The following XXYLT1 variants were observed in gnomAD, a reference collection of about 807,000 sequenced individuals.
XXYLT1 encodes the protein UDP-xylose:alpha-xyloside alpha-1,3-xylosyltransferase.
XXYLT1 carries 20 observed loss-of-function variants against 28.9 expected under a neutral mutation model. The observed-to-expected ratio is 0.69, with a 90% CI of 0.49 to 1.00. The LOEUF (loss-of-function observed/expected upper bound fraction) is 1.00, where lower values mean the gene tolerates loss of function less well. Ranked by LOEUF, XXYLT1 falls within the 50% of genes least tolerant of loss-of-function variation. The pLI is 0.00. For synonymous variants in XXYLT1, 257 were observed against 253.8 expected, an observed-to-expected ratio of 1.01 and a Z score of -0.12; for missense variants, 542 against 560.1, an observed-to-expected ratio of 0.97 and a Z score of 0.33.
Position 195,197,847 on chromosome 3 carries a change from A to G in XXYLT1, c.652+28862T>C, listed in dbSNP as rs1722690815. On this transcript the variant is annotated intron_variant, in intron 2 of 3. Coordinates refer to ENST00000310380, the MANE Select transcript of XXYLT1 (RefSeq NM_152531.5). Reference sequence around the variant, plus strand: ...AAACACTGTCCACTTAGTCTCACACATTCCCCTCTAGGCCAGCAGCTTATG... The same window carrying G: ...AAACACTGTCCACTTAGTCTCACACGTTCCCCTCTAGGCCAGCAGCTTATG... Among the ~76,000 whole-genome samples, 11 of 152,282 alleles carry G rather than the reference A, an allele frequency of 7.2e-5. No homozygotes were observed. In the South Asian group the frequency reaches 2.3e-3, roughly 32 times the overall value.
chr3:195,219,108 T>C (rs1039563737), intron 2 of XXYLT1, among the ~76,000 whole-genome samples: 1 of 147,822 alleles, frequency 6.8e-6, no homozygotes, highest in Non-Finnish European at 1.5e-5. Context: ...AGGTGGGAAC[T>C]GAACAATGAG....
At position 195,188,629 on chromosome 3, in the gene XXYLT1, C is replaced by A. The variant is rs141804719; in HGVS notation, c.653-32048G>T. On this transcript the variant is annotated intron_variant, in intron 2 of 3. Transcript: ENST00000310380. ...ACACACTGGTGCACTCTCGAATTGTCTCCTATGAGGAGCCAAGAACCCTCT... is the reference window on the plus strand; with the variant it reads ...ACACACTGGTGCACTCTCGAATTGTATCCTATGAGGAGCCAAGAACCCTCT... Among the ~76,000 whole-genome samples the A allele has an allele frequency of 6.8e-3, 1,029 of 152,302 alleles. 6 individuals carry two copies. The highest frequency in any genetic ancestry group is 0.024 in the African/African-American group (977 of 41,548).
chr3:195,239,069 T>C (rs1724672392), intron 1 of XXYLT1, among the ~76,000 whole-genome samples: 1 of 152,208 alleles, frequency 6.6e-6, no homozygotes, highest in African/African-American at 2.4e-5. Flanking sequence ...CTGTACTCAG[T>C]ACATTGTTCC....
At chr3:195,071,372 C>T (rs1714798914) in intron 3 of XXYLT1, among the ~76,000 whole-genome samples, 1 of 152,254 alleles carries the variant, frequency 6.6e-6, no homozygotes, top group African/African-American at 2.4e-5. Flanking sequence ...ACCGGAGACC[C>T]TGCCCAGGGT....
At chr3:195,152,911 AT>A (rs1436381339) in intron 3 of XXYLT1, 2 of 152,162 alleles carry the variant, frequency 1.3e-5, no homozygotes, top group African/African-American at 4.8e-5. Flanking sequence ...AGATGCTAGC[AT>A]GTTCTTCTTA....
chr3:195,201,552 G>A (rs1007035870), intron 2 of XXYLT1, among the ~76,000 whole-genome samples: 5 of 152,094 alleles, frequency 3.3e-5, no homozygotes, highest in South Asian at 2.1e-4. Context: ...TCCCATTTCC[G>A]TCCCTCTGGA....
rs1225181638 is a variant in XXYLT1 at position 195,134,866 on chromosome 3, TGTGC to T, written c.785+21579_785+21582del. On this transcript the variant is annotated intron_variant, in intron 3 of 3. Transcript: ENST00000310380. ...GTGTGTGTGTGTGTGTGTGTGTGTG[TGTGC>T]GTGTGCGCGCGTGCGCGCACGTGCA... 4.1e-3 allele frequency among the ~76,000 whole-genome samples: 388 copies of T among 93,550 alleles called. 3 individuals are homozygous for T. Among genetic ancestry groups the T allele is most frequent in the Middle Eastern group, 0.029 (5 of 174 alleles). The allele number at this position is 93,550 out of a possible 152,430, so 61.4% of individuals were successfully genotyped here.
At position 195,150,836 on chromosome 3, in the gene XXYLT1, A is replaced by C. The variant is rs371930200; in HGVS notation, c.785+5613T>G. Among the ~76,000 whole-genome samples, 198 of 87,876 alleles carry C rather than the reference A, an allele frequency of 2.3e-3. No individual in the cohort carries two copies. Among genetic ancestry groups the C allele is most frequent in the East Asian group, 9.8e-3 (9 of 920 alleles). 57.7% of individuals were successfully genotyped at this position (87,876 alleles called of 152,430 possible). ...CATACACACACACTCACACATACGCACACTCTCTCACACACTCTCACACAC... is the reference window on the plus strand; with the variant it reads ...CATACACACACACTCACACATACGCCCACTCTCTCACACACTCTCACACAC... On this transcript the variant is annotated intron_variant, in intron 3 of 3. Coordinates refer to ENST00000310380, the MANE Select transcript of XXYLT1 (RefSeq NM_152531.5). The surrounding 1 kb of genome is among the most constrained non-coding windows in gnomAD (Gnocchi z 4.7).
At chr3:195,229,283 A>G (rs111303884) in intron 1 of XXYLT1, among the ~76,000 whole-genome samples, 1 of 152,214 alleles carries the variant, frequency 6.6e-6, no homozygotes, top group African/African-American at 2.4e-5. Flanking sequence ...GTATGTATAT[A>G]TATTTATGGA....
intron 3 of XXYLT1, chr3:195,122,296 T>C: frequency 4.7e-6 from 3 of 643,940 alleles, no homozygotes; most frequent in South Asian, 3.5e-5. Flanking sequence ...TTCAGTCCAT[T>C]GCACCCCTCA....
chr3:195,178,148 C>CTT (rs35477529), intron 2 of XXYLT1, among the ~76,000 whole-genome samples: 1 of 148,038 alleles, frequency 6.8e-6, no homozygotes, highest in African/African-American at 2.5e-5. Context: ...CTGCTGACAG[C>CTT]TTTTTTTTTT....
intron 2 of XXYLT1, among the ~76,000 whole-genome samples, chr3:195,207,867 C>A (rs1168522523): frequency 1.3e-5 from 2 of 152,196 alleles, no homozygotes; most frequent in African/African-American, 4.8e-5. Context: ...TCCTCCCTGG[C>A]TGCTGGCCAG....
At chr3:195,163,910 C>T (rs1323906489) in intron 2 of XXYLT1, among the ~76,000 whole-genome samples, 1 of 152,236 alleles carries the variant, frequency 6.6e-6, no homozygotes, top group Non-Finnish European at 1.5e-5. Flanking sequence ...AGAAAAGACA[C>T]CCTGACTTTG....
At chr3:195,109,692 TGGTGTCTG>T in intron 3 of XXYLT1, among the ~76,000 whole-genome samples, 1 of 45,996 alleles carries the variant, frequency 2.2e-5, no homozygotes, top group African/African-American at 8.4e-5. Flanking sequence ...TGAGTGTGTG[TGGTGTCTG>T]GTGTGTGTGG....
Position 195,271,069 on chromosome 3 carries a change from A to C in XXYLT1, c.-11T>G, listed in dbSNP as rs1726012700. On this transcript the variant is annotated 5_prime_UTR_variant, in exon 1 of 4. Transcript: ENST00000310380. Reference sequence around the variant, plus strand: ...TCGGAGGAGGCCCATGCGCTACGAGACCGCGGCGCCAGCGGTGCCAGCAAC... The same window carrying C: ...TCGGAGGAGGCCCATGCGCTACGAGCCCGCGGCGCCAGCGGTGCCAGCAAC... 2 of 1,332,186 alleles carry C rather than the reference A, an allele frequency of 1.5e-6. No homozygotes were observed. Among genetic ancestry groups the C allele is most frequent in the Admixed American group, 8.0e-5 (2 of 24,934 alleles). 82.5% of individuals were successfully genotyped at this position (1,332,186 alleles called of 1,614,324 possible). A position where few individuals can be genotyped will look rare whatever the true frequency, so the allele number is the denominator to read the frequency against.
intron 2 of XXYLT1, chr3:195,175,514 G>A: frequency 4.7e-6 from 7 of 1,478,898 alleles, no homozygotes; most frequent in Non-Finnish European, 6.3e-6. Flanking sequence ...TGTTGACTTT[G>A]CTGCACCCAT....
intron 1 of XXYLT1, among the ~76,000 whole-genome samples, chr3:195,235,994 GGGTGACACC>G (rs1724529399): frequency 6.6e-6 from 1 of 151,972 alleles, no homozygotes; most frequent in African/African-American, 2.4e-5. Flanking sequence ...GATTGGGGAG[GGGTGACACC>G]CCTGTCACTA....
At chr3:195,082,689 C>G (rs1473925242) in intron 3 of XXYLT1, among the ~76,000 whole-genome samples, 1 of 152,106 alleles carries the variant, frequency 6.6e-6, no homozygotes, top group East Asian at 1.9e-4. Context: ...TCCAACTCAA[C>G]TCCACAAAAA....
chr3:195,120,897 T>C (rs1718322121), intron 3 of XXYLT1, among the ~76,000 whole-genome samples: 1 of 152,066 alleles, frequency 6.6e-6, no homozygotes, highest in South Asian at 2.1e-4. Flanking sequence ...ACAGTCAGGG[T>C]TCCTAGGGCT....
Sources: allele counts gnomAD v4.1 joint callset (sites outside exome capture counted in the v4.1 genomes callset), GRCh38; gene constraint gnomAD v4.1.1; non-coding constraint Gnocchi (gnomAD v3.1); transcripts MANE v1.5; gene names NCBI Gene and HGNC (gene_info 2026-07-23, HGNC 2026-07-21).